Variants in ALG12 observed in about 807,000 individuals in gnomAD.
The protein encoded by ALG12 is ALG12 alpha-1,6-mannosyltransferase.
ALG12 carries 36 observed loss-of-function variants against 46.0 expected under a neutral mutation model. That is an observed-to-expected ratio of 0.78 (90% CI 0.60 to 1.03). The LOEUF (loss-of-function observed/expected upper bound fraction) is 1.03. Among genes scored for constraint, ALG12 ranks in the 50% least tolerant of loss-of-function variants. ALG12 has a pLI of 0.00. For synonymous variants in ALG12, 326 were observed against 291.6 expected (o/e 1.12, Z -1.20); for missense variants, 599 against 633.5 (o/e 0.95, Z 0.58).
At chr22:49,882,221 G>A in the ALG12 span, among the ~76,000 whole-genome samples, 1 of 152,170 alleles carries the variant, frequency 6.6e-6, no homozygotes, top group Non-Finnish European at 1.5e-5. Flanking sequence ...CCCTTGAAGA[G>A]TTCTCCCACT....
the ALG12 span, among the ~76,000 whole-genome samples, chr22:49,895,200 G>A: frequency 1.3e-5 from 2 of 152,190 alleles, no homozygotes; most frequent in Non-Finnish European, 1.5e-5. Context: ...TCTCATTGGA[G>A]CTTCTGAGTT....
chr22:49,883,404 G>A, the ALG12 span: 16 of 341,232 alleles, frequency 4.7e-5, no homozygotes, highest in Non-Finnish European at 5.7e-5. Context: ...CCAGAAGCAC[G>A]TCTCTGCTGC....
chr22:49,886,195 A>T, the ALG12 span: 2 of 738,380 alleles, frequency 2.7e-6, no homozygotes, highest in African/African-American at 1.8e-5. This position sits in a 1 kb window ranked among gnomAD's most constrained non-coding sequence, Gnocchi z 7.7. Context: ...GAGCCAGCGG[A>T]TGGTGCAGAA....
rs2060507120 is a variant in ALG12 at position 49,901,708 on chromosome 22, CAT to C, written c.*2128_*2129del. 2 of 126,084 alleles carry C rather than the reference CAT, an allele frequency of 1.6e-5. No homozygotes were observed. Among genetic ancestry groups the C allele is most frequent in the Admixed American group, 1.5e-4 (2 of 13,184 alleles). The allele number at this position is 126,084 out of a possible 1,614,324, so 7.8% of individuals were successfully genotyped here. ...CGCATCTGTGCATTGTGTGTGGATG[CAT>C]GTGTGGTGTGTATGCATGGTGTGCA... On this transcript the variant is annotated 3_prime_UTR_variant, in exon 10 of 10. Transcript: ENST00000330817.
the ALG12 span, chr22:49,883,579 A>G: frequency 2.1e-6 from 3 of 1,433,752 alleles, no homozygotes; most frequent in East Asian, 7.0e-5. Context: ...AAAAGTGAAG[A>G]TAATCTACAT....
chr22:49,880,950 A>G, the ALG12 span, among the ~76,000 whole-genome samples: 2 of 152,246 alleles, frequency 1.3e-5, no homozygotes, highest in East Asian at 1.9e-4. Flanking sequence ...TAAGACCTGT[A>G]TACTTGTGTA....
At chr22:49,912,040 C>T (rs570019914) in intron 3 of ALG12, among the ~76,000 whole-genome samples, 14 of 151,422 alleles carry the variant, frequency 9.2e-5, no homozygotes, top group Non-Finnish European at 1.8e-4. Flanking sequence ...CCCTCGGCCC[C>T]GGGATCAGCC....
downstream of ALG12, among the ~76,000 whole-genome samples, chr22:49,896,721 C>T (rs538371420): frequency 2.1e-4 from 32 of 152,282 alleles, no homozygotes; most frequent in African/African-American, 6.0e-4. Context: ...CTGCAACCTC[C>T]GCCTCCCGGG....
chr22:49,904,985 G>A lies in ALG12; in HGVS notation c.993-479C>T, dbSNP rs149153560. ...GAACTCCTGACCTCGTGATCTGCCC[G>A]CCTCAGCCTCCCAAAGTGCTGAGAT... On this transcript the variant is annotated intron_variant, in intron 7 of 9. Coordinates refer to ENST00000330817, the MANE Select transcript of ALG12 (RefSeq NM_024105.4). 7.0e-3 allele frequency among the ~76,000 whole-genome samples: 1,066 copies of A among 152,156 alleles called. 9 individuals carry two copies. Among genetic ancestry groups the A allele is most frequent in the African/African-American group, 0.024 (997 of 41,490 alleles).
intron 1 of ALG12, among the ~76,000 whole-genome samples, chr22:49,915,355 A>G (rs1453250460): frequency 1.3e-5 from 2 of 152,034 alleles, no homozygotes; most frequent in Admixed American, 6.6e-5. Context: ...TCAGCAGATC[A>G]AGACCATCCT....
chr22:49,884,816 C>T, the ALG12 span: 61 of 1,610,606 alleles, frequency 3.8e-5, no homozygotes, highest in East Asian at 2.9e-4. Flanking sequence ...GAGTCCCCTT[C>T]GGCCTCCTCC....
the ALG12 span, among the ~76,000 whole-genome samples, chr22:49,877,015 G>T: frequency 1.3e-5 from 2 of 152,224 alleles, no homozygotes; most frequent in Middle Eastern, 3.4e-3. Flanking sequence ...ATAATTCCAA[G>T]AACAGTTTTT....
chr22:49,897,093 C>A (rs1309707763), downstream of ALG12, among the ~76,000 whole-genome samples: 1 of 150,260 alleles, frequency 6.7e-6, no homozygotes, highest in East Asian at 1.9e-4. Flanking sequence ...TGGACTCATA[C>A]AGTATGTAGC....
At chr22:49,866,005 G>C in the ALG12 span, among the ~76,000 whole-genome samples, 1 of 152,084 alleles carries the variant, frequency 6.6e-6, no homozygotes, top group African/African-American at 2.4e-5. Flanking sequence ...ACTGTGCCTG[G>C]CTAGTTCACT....
the ALG12 span, among the ~76,000 whole-genome samples, chr22:49,877,966 T>A: frequency 2.6e-5 from 4 of 152,166 alleles, no homozygotes; most frequent in South Asian, 6.2e-4. Context: ...TGTCTTCTAG[T>A]TTTTAGATAC....
At position 49,906,227 on chromosome 22, in the gene ALG12, T is replaced by C. The variant is rs936604816; in HGVS notation, c.992+1494A>G. The stretch of plus-strand genomic sequence containing the variant: ...TGGGTCCAGTTCCCACTGGATCTTC[T>C]TCCCTGCTGGAAAAGCCTGTCACCG... On this transcript the variant is annotated intron_variant, in intron 7 of 9. Transcript: ENST00000330817. This position sits in a 1 kb window ranked among gnomAD's most constrained non-coding sequence, Gnocchi z 4.4. Among the ~76,000 whole-genome samples the C allele has an allele frequency of 3.3e-5, 5 of 152,128 alleles. No homozygotes were observed. The highest frequency in any genetic ancestry group is 2.6e-4 in the Admixed American group (4 of 15,278).
chr22:49,868,803 G>T, the ALG12 span, among the ~76,000 whole-genome samples: 1 of 152,144 alleles, frequency 6.6e-6, no homozygotes, highest in Non-Finnish European at 1.5e-5. Context: ...CAGCCTCCCA[G>T]AGGTGGATTG....
chr22:49,872,760 A>G, the ALG12 span, among the ~76,000 whole-genome samples: 1 of 150,818 alleles, frequency 6.6e-6, no homozygotes, highest in East Asian at 2.0e-4. Flanking sequence ...GCTGGAGTGC[A>G]GTGACGTGAT....
chr22:49,883,544 A>G, the ALG12 span: 3 of 1,348,152 alleles, frequency 2.2e-6, no homozygotes, highest in Non-Finnish European at 3.0e-6. Context: ...TTCTAGAAAC[A>G]TCCTGAAAGA....
Sources: allele counts gnomAD v4.1 joint callset (sites outside exome capture counted in the v4.1 genomes callset), GRCh38; gene constraint gnomAD v4.1.1; non-coding constraint Gnocchi (gnomAD v3.1); transcripts MANE v1.5; gene names NCBI Gene and HGNC (gene_info 2026-07-23, HGNC 2026-07-21).